HCN1: variants seen among roughly 807,000 people sequenced by gnomAD.
HCN1 encodes hyperpolarization activated cyclic nucleotide gated potassium channel 1.
HCN1 carries 13 observed loss-of-function variants against 78.9 expected under a neutral mutation model. The ratio of observed to expected loss-of-function variants is 0.16; its 90% CI spans 0.11 to 0.26. The LOEUF (loss-of-function observed/expected upper bound fraction) is 0.26. Ranked by LOEUF, HCN1 falls within the 10% of genes least tolerant of loss-of-function variation. The pLI, the probability that HCN1 is intolerant of heterozygous loss-of-function variation, is 1.00. For missense variants in HCN1, 810 were observed against 1,154.3 expected, an observed-to-expected ratio of 0.70 and a Z score of 4.32; for synonymous variants, 552 against 455.5, an observed-to-expected ratio of 1.21 and a Z score of -2.70.
chr5:45,452,047 G>A (rs1740929427), intron 3 of HCN1, among the ~76,000 whole-genome samples: 1 of 151,906 alleles, frequency 6.6e-6, no homozygotes, highest in African/African-American at 2.4e-5. Context: ...AACGCTACTG[G>A]AGTATAGAGA....
intron 5 of HCN1, among the ~76,000 whole-genome samples, chr5:45,308,245 G>T (rs542079540): frequency 1.5e-4 from 23 of 152,020 alleles, no homozygotes; most frequent in Non-Finnish European, 3.2e-4. Context: ...AGATGCTGGT[G>T]CCATGCATCT....
chr5:45,349,585 G>A (rs1007151866), intron 5 of HCN1, among the ~76,000 whole-genome samples: 29 of 152,150 alleles, frequency 1.9e-4, no homozygotes, highest in Admixed American at 7.2e-4. Context: ...GAATGCAGGA[G>A]CTGGTTTTTT....
At chr5:45,654,265 A>T (rs949660249) in intron 1 of HCN1, among the ~76,000 whole-genome samples, 1 of 152,126 alleles carries the variant, frequency 6.6e-6, no homozygotes, top group Non-Finnish European at 1.5e-5. Context: ...AAGAACATCT[A>T]TCCTGTAGCA....
intron 2 of HCN1, among the ~76,000 whole-genome samples, chr5:45,593,281 T>C (rs1171435405): frequency 7.4e-6 from 1 of 135,898 alleles, no homozygotes; most frequent in Non-Finnish European, 1.6e-5. Flanking sequence ...GAGACAAAGG[T>C]AGAGGTATAT....
At chr5:45,348,731 T>C (rs576675558) in intron 5 of HCN1, among the ~76,000 whole-genome samples, 4 of 151,932 alleles carry the variant, frequency 2.6e-5, no homozygotes, top group African/African-American at 4.8e-5. Flanking sequence ...TCCTAGTCTC[T>C]GATAAAACAG....
chr5:45,347,914 G>A (rs1439138678), intron 5 of HCN1, among the ~76,000 whole-genome samples: 1 of 152,188 alleles, frequency 6.6e-6, no homozygotes, highest in Non-Finnish European at 1.5e-5. Flanking sequence ...GTGACGGGGA[G>A]AATGGAACCA....
At chr5:45,482,907 C>A (rs1032437500) in intron 2 of HCN1, among the ~76,000 whole-genome samples, 5 of 152,142 alleles carry the variant, frequency 3.3e-5, no homozygotes, top group African/African-American at 4.8e-5. Flanking sequence ...TAGCCTCCAG[C>A]CCCAACTATG....
At chr5:45,496,927 A>G (rs1283735365) in intron 2 of HCN1, among the ~76,000 whole-genome samples, 3 of 152,166 alleles carry the variant, frequency 2.0e-5, no homozygotes, top group Non-Finnish European at 4.4e-5. Context: ...GGTTTCAAAG[A>G]ACATCTTTAT....
intron 2 of HCN1, among the ~76,000 whole-genome samples, chr5:45,620,563 C>A: frequency 6.6e-6 from 1 of 150,764 alleles, no homozygotes; most frequent in East Asian, 1.9e-4. Flanking sequence ...CTTTAAAATA[C>A]ATATATATAT....
At chr5:45,315,317 G>A (rs1385296563) in intron 5 of HCN1, among the ~76,000 whole-genome samples, 3 of 152,124 alleles carry the variant, frequency 2.0e-5, no homozygotes, top group Non-Finnish European at 4.4e-5. Context: ...AATGACTACT[G>A]GGTACACAGC....
intron 2 of HCN1, among the ~76,000 whole-genome samples, chr5:45,519,081 T>C (rs988545992): frequency 6.6e-6 from 1 of 152,012 alleles, no homozygotes; most frequent in Admixed American, 6.6e-5. Flanking sequence ...AATCAAGTTA[T>C]GCTAGCATAA....
At chr5:45,427,313 C>A (rs1740372358) in intron 3 of HCN1, among the ~76,000 whole-genome samples, 1 of 151,904 alleles carries the variant, frequency 6.6e-6, no homozygotes, top group South Asian at 2.1e-4. Flanking sequence ...GAACTAGTGG[C>A]TGTTCCCAGA....
chr5:45,280,019 T>C (rs1745128261), intron 6 of HCN1, among the ~76,000 whole-genome samples: 2 of 152,000 alleles, frequency 1.3e-5, no homozygotes, highest in Non-Finnish European at 2.9e-5. Context: ...CTTTGAAACA[T>C]GAAAGATATA....
chr5:45,573,388 T>A (rs2111906337), intron 2 of HCN1, among the ~76,000 whole-genome samples: 1 of 152,194 alleles, frequency 6.6e-6, no homozygotes, highest in Non-Finnish European at 1.5e-5. Context: ...CAAAATCCCA[T>A]TGCTAATAGT....
At chr5:45,555,205 A>C (rs901724756) in intron 2 of HCN1, among the ~76,000 whole-genome samples, 6 of 152,056 alleles carry the variant, frequency 3.9e-5, no homozygotes, top group Middle Eastern at 3.4e-3. Context: ...TGCAGAATAC[A>C]AAATCAACAT....
At chr5:45,291,313 C>T (rs1320710325) in intron 6 of HCN1, among the ~76,000 whole-genome samples, 1 of 151,962 alleles carries the variant, frequency 6.6e-6, no homozygotes, top group Admixed American at 6.6e-5. Context: ...AGATGATCAC[C>T]TTATAAATAT....
At chr5:45,441,258 G>A (rs987920371) in intron 3 of HCN1, among the ~76,000 whole-genome samples, 3 of 152,176 alleles carry the variant, frequency 2.0e-5, no homozygotes, top group African/African-American at 4.8e-5. Context: ...AGACAACTAT[G>A]AGGAAAAGAC....
chr5:45,312,345 C>A (rs375933084), intron 5 of HCN1, among the ~76,000 whole-genome samples: 20 of 152,106 alleles, frequency 1.3e-4, no homozygotes, highest in African/African-American at 4.3e-4. Flanking sequence ...TTGGTTGACA[C>A]GATGTCTATT....
At chr5:45,578,101 G>C (rs1486105243) in intron 2 of HCN1, among the ~76,000 whole-genome samples, 4 of 151,880 alleles carry the variant, frequency 2.6e-5, no homozygotes, top group Non-Finnish European at 5.9e-5. Context: ...TCACAGGGAT[G>C]GTAAGAAAAG....
Sources: gnomAD v4.1 joint callset for allele counts (sites outside exome capture counted in the v4.1 genomes callset) on GRCh38, gnomAD v4.1.1 for gene constraint, MANE v1.5 for transcripts, NCBI Gene and HGNC (gene_info 2026-07-23, HGNC 2026-07-21) for gene names.